ATP2C1: variants seen among roughly 807,000 people sequenced by gnomAD.
The protein encoded by ATP2C1 is calcium-transporting ATPase type 2C member 1.
Under a neutral mutation model 120.5 loss-of-function variants are expected in ATP2C1, and 31 were observed. The observed-to-expected ratio is 0.26, with a 90% CI of 0.19 to 0.35. The LOEUF (loss-of-function observed/expected upper bound fraction) is 0.35. Among genes scored for constraint, ATP2C1 ranks in the 10% least tolerant of loss-of-function variants. The pLI is 1.00. For synonymous variants in ATP2C1, 351 were observed against 358.7 expected (o/e 0.98, Z 0.24); for missense variants, 731 against 1,107.5 (o/e 0.66, Z 4.83).
chr3:130,902,905 C>T (rs952425828), intron 2 of ATP2C1, among the ~76,000 whole-genome samples: 1 of 151,940 alleles, frequency 6.6e-6, no homozygotes, highest in Non-Finnish European at 1.5e-5. Context: ...ATACCAATCC[C>T]TTAGTGATCT....
chr3:130,992,715 T>C (rs2062413478), intron 20 of ATP2C1, among the ~76,000 whole-genome samples: 1 of 152,226 alleles, frequency 6.6e-6, no homozygotes, highest in South Asian at 2.1e-4. Context: ...CATAATGATA[T>C]AAATTGGATG....
At chr3:130,931,008 T>C (rs1038247209) in intron 3 of ATP2C1, among the ~76,000 whole-genome samples, 8 of 152,152 alleles carry the variant, frequency 5.3e-5, no homozygotes, top group Non-Finnish European at 1.0e-4. Context: ...TAATTGCTTA[T>C]GTAGGCTCTT....
chr3:130,946,370 G>A (rs1361829183), intron 8 of ATP2C1, among the ~76,000 whole-genome samples: 1 of 152,170 alleles, frequency 6.6e-6, no homozygotes, highest in East Asian at 1.9e-4. Flanking sequence ...AGTAGTTTCT[G>A]GTGTTTTCAG....
chr3:130,975,790 T>C (rs2061509734), intron 18 of ATP2C1, among the ~76,000 whole-genome samples: 1 of 152,216 alleles, frequency 6.6e-6, no homozygotes, highest in Non-Finnish European at 1.5e-5. Flanking sequence ...GGTAAAATGG[T>C]GTTACTCTCT....
At chr3:130,867,596 A>C (rs535507194) in intron 1 of ATP2C1, among the ~76,000 whole-genome samples, 9 of 150,608 alleles carry the variant, frequency 6.0e-5, no homozygotes, top group Non-Finnish European at 1.0e-4. Context: ...TCAGTGCTCA[A>C]TGGTGCCCAG....
Position 130,965,098 on chromosome 3 carries a change from T to C in ATP2C1, c.1122+53T>C, listed in dbSNP as rs1284219034. Reference sequence around the variant, plus strand: ...AAAAACAGTATCCCTTTAAGAAACTTGGTGTTTAACATTCCTAACAGTTCC... The same window carrying C: ...AAAAACAGTATCCCTTTAAGAAACTCGGTGTTTAACATTCCTAACAGTTCC... On this transcript the variant is annotated intron_variant, in intron 14 of 27. Transcript: ENST00000510168. 2.3e-6 allele frequency: 3 copies of C among 1,319,188 alleles called. No individual in the cohort carries two copies. The African/African-American group carries it at 4.3e-5, about 19-fold the overall frequency. 81.7% of individuals were successfully genotyped at this position (1,319,188 alleles called of 1,614,324 possible).
In ATP2C1 at chr3:130,959,362, A is replaced by G. The variant is rs763490457; in HGVS notation, c.899+21A>G. ...GTAAGGTAAGTCTCAATACTTTATAATTGGAGTCTCTTTTGCCTCTTTTAT... is the reference window on the plus strand; with the variant it reads ...GTAAGGTAAGTCTCAATACTTTATAGTTGGAGTCTCTTTTGCCTCTTTTAT... On this transcript the variant is annotated intron_variant, in intron 12 of 27. Transcript: ENST00000510168. The G allele has an allele frequency of 1.9e-6, 3 of 1,540,634 alleles. No individual in the cohort carries two copies. The South Asian group carries it at 3.4e-5, about 17-fold the overall frequency.
chr3:131,016,043 G>GC lies in ATP2C1; in HGVS notation c.2630-109_2630-108insC, dbSNP rs1553789086. On this transcript the variant is annotated intron_variant, in intron 26 of 26. Transcript: ENST00000328560. ...TTAAGATTAGTTTTTTTTTGTTTTG[G>GC]TTTTTTTTTTTAAGTAACTTTGTTG... The GC allele has an allele frequency of 5.5e-6, 7 of 1,271,074 alleles. No individual in the cohort carries two copies. In the African/African-American group the frequency reaches 6.2e-5, roughly 11 times the overall value. 78.7% of individuals were successfully genotyped at this position (1,271,074 alleles called of 1,614,324 possible). A position where few individuals can be genotyped will look rare whatever the true frequency, so the allele number is the denominator to read the frequency against.
rs534903802 is a variant in ATP2C1, at chr3:130,975,983, G to GAC, written c.1570+505_1570+506dup. Among the ~76,000 whole-genome samples the GAC allele has an allele frequency of 1.1e-4, 17 of 152,124 alleles. 1 individual carries two copies. In the East Asian group the frequency reaches 2.5e-3, roughly 23 times the overall value. On this transcript the variant is annotated intron_variant, in intron 18 of 27. Transcript: ENST00000510168. ...GCAGTGATGGGGAGAGGGTCTGCTG[G>GAC]ACACACACACATTAGGCCACCTCTC...
chr3:130,901,012 G>C (rs531894717), intron 2 of ATP2C1, among the ~76,000 whole-genome samples: 1 of 152,060 alleles, frequency 6.6e-6, no homozygotes, highest in Admixed American at 6.6e-5. Flanking sequence ...ATATTAGTTG[G>C]CTTAATTAAG....
intron 26 of ATP2C1, among the ~76,000 whole-genome samples, chr3:131,008,382 C>T (rs533643183): frequency 9.4e-5 from 14 of 149,038 alleles, no homozygotes; most frequent in African/African-American, 2.5e-4. Flanking sequence ...GCCTAGATTG[C>T]GCCACTGCAC....
chr3:131,003,332 T>C, downstream of ATP2C1: 1 of 253,360 alleles, frequency 3.9e-6, no homozygotes. Context: ...TAATCCAAGT[T>C]GACATGGATG....
Position 130,930,497 on chromosome 3 carries a change from C to G in ATP2C1, c.88C>G (p.Pro30Ala), listed in dbSNP as rs771082178. Reference protein sequence around the residue: ...VLTSKKASELPVSEVASILQA... With the variant: ...VLTSKKASELAVSEVASILQA... ...GACATCAAAAAAAGCAAGTGAATTA[C>G]CAGTCAGTGAAGTTGCAAGCATTCT... The change falls in exon 3 of 28, where the codon CCA becomes GCA. Residue 30 changes from proline to alanine, a missense_variant. By Grantham distance (27) the Pro-to-Ala change is conservative. This residue lies in a region of ATP2C1 where 571 missense variants were observed against 845.9 expected (regional missense o/e 0.67). Coordinates refer to ENST00000510168, the MANE Select transcript of ATP2C1 (RefSeq NM_001378687.1). 2 of 1,611,972 alleles carry G rather than the reference C, an allele frequency of 1.2e-6. No individual in the cohort carries two copies. The highest frequency in any genetic ancestry group is 1.7e-6 in the Non-Finnish European group (2 of 1,178,310).
intron 19 of ATP2C1, among the ~76,000 whole-genome samples, chr3:130,979,901 G>C (rs1377383823): frequency 6.6e-6 from 1 of 152,186 alleles, no homozygotes; most frequent in Non-Finnish European, 1.5e-5. Context: ...AGAAGAGAAT[G>C]AAAGTTAATT....
Position 130,894,093 on chromosome 3 carries a change from C to G in ATP2C1, c.-425C>G. Reference sequence around the variant, plus strand: ...AGTCGGAGGCGGGAGCAGACCAGCACGGCCTCGCGGAGCCGGCCCGGCGGA... The same window carrying G: ...AGTCGGAGGCGGGAGCAGACCAGCAGGGCCTCGCGGAGCCGGCCCGGCGGA... On this transcript the variant is annotated 5_prime_UTR_variant, in exon 1 of 28. Coordinates refer to ENST00000510168, the MANE Select transcript of ATP2C1 (RefSeq NM_001378687.1). This position sits in a 1 kb window ranked among gnomAD's most constrained non-coding sequence, Gnocchi z 4.5. 1 of 977,062 alleles carries G rather than the reference C, an allele frequency of 1.0e-6. No individual in the cohort carries two copies. The allele number at this position is 977,062 out of a possible 1,614,324, so 60.5% of individuals were successfully genotyped here. A position where few individuals can be genotyped will look rare whatever the true frequency, so the allele number is the denominator to read the frequency against.
intron 5 of ATP2C1, among the ~76,000 whole-genome samples, chr3:130,935,234 T>C (rs1205349755): frequency 6.6e-6 from 1 of 152,244 alleles, no homozygotes; most frequent in Non-Finnish European, 1.5e-5. Context: ...TTCACAAATA[T>C]GAAATTTTAT....
At chr3:130,946,324 T>G (rs1445549865) in intron 8 of ATP2C1, among the ~76,000 whole-genome samples, 1 of 152,260 alleles carries the variant, frequency 6.6e-6, no homozygotes, top group Admixed American at 6.5e-5. Context: ...TCATGAATCC[T>G]TGTACTTTGT....
intron 27 of ATP2C1, among the ~76,000 whole-genome samples, chr3:131,000,841 GC>G (rs1211154688): frequency 6.6e-6 from 1 of 152,082 alleles, no homozygotes; most frequent in Non-Finnish European, 1.5e-5. Context: ...CATGCCTCAC[GC>G]CAGTAATCCC....
intron 20 of ATP2C1, 52 bp downstream of exon 20, chr3:130,980,731 C>G: frequency 8.0e-7 from 1 of 1,256,184 alleles, no homozygotes; most frequent in South Asian, 1.2e-5. Flanking sequence ...CTAAGTGTTA[C>G]CATTTCTACT....
Sources: gnomAD v4.1 joint callset for allele counts (sites outside exome capture counted in the v4.1 genomes callset) on GRCh38, gnomAD v4.1.1 for gene constraint, gnomAD v4.1.1 regional missense constraint, Gnocchi (gnomAD v3.1) non-coding constraint, MANE v1.5 for transcripts, NCBI Gene and HGNC (gene_info 2026-07-23, HGNC 2026-07-21) for gene names.